The following NWD2 variants were observed in gnomAD, a reference collection of about 807,000 sequenced individuals.
The protein encoded by NWD2 is NACHT and WD repeat domain containing 2, also known as NACHT and WD repeat domain-containing protein 2.
A neutral mutation model predicts 132.7 loss-of-function variants in NWD2; 37 were observed. The ratio of observed to expected loss-of-function variants is 0.28; its 90% CI spans 0.21 to 0.37. NWD2 has a LOEUF of 0.37. Ranked by LOEUF, NWD2 falls within the 10% of genes least tolerant of loss-of-function variation. The pLI is 1.00. For missense variants in NWD2, 1,592 were observed against 2,122.4 expected (o/e 0.75, Z 4.91); for synonymous variants, 705 against 803.0 (o/e 0.88, Z 2.06).
chr4:37,416,950 G>A (rs896817249), intron 3 of NWD2, among the ~76,000 whole-genome samples: 5 of 151,990 alleles, frequency 3.3e-5, no homozygotes, highest in African/African-American at 1.2e-4. Flanking sequence ...GGGGGGAAAG[G>A]GTGGGAGGGG....
intron 3 of NWD2, among the ~76,000 whole-genome samples, chr4:37,391,013 T>TCAA (rs1339754673): frequency 1.3e-5 from 2 of 152,214 alleles, no homozygotes; most frequent in African/African-American, 2.4e-5. Context: ...ATTCTGTGTC[T>TCAA]CAACACAATC....
chr4:37,430,538 A>C, intron 3 of NWD2, 34 bp from the exon 4 acceptor site: 1 of 1,463,588 alleles, frequency 6.8e-7, no homozygotes. Flanking sequence ...TTTCTTGGTG[A>C]TACACTAAAT....
At chr4:37,308,309 G>C (rs946618656) in intron 1 of NWD2, among the ~76,000 whole-genome samples, 2 of 152,124 alleles carry the variant, frequency 1.3e-5, no homozygotes, top group Non-Finnish European at 2.9e-5. Context: ...TTTGACTTTG[G>C]TTCTGGGTGG....
chr4:37,330,778 T>G (rs1319473760), intron 2 of NWD2, among the ~76,000 whole-genome samples: 1 of 152,016 alleles, frequency 6.6e-6, no homozygotes, highest in African/African-American at 2.4e-5. Context: ...TCACCCTACT[T>G]GAGTATTTCT....
intron 1 of NWD2, among the ~76,000 whole-genome samples, chr4:37,312,843 T>C (rs1480208372): frequency 6.6e-6 from 1 of 151,100 alleles, no homozygotes; most frequent in Non-Finnish European, 1.5e-5. Context: ...GCATGAAGGG[T>C]TGTTGAATTT....
chr4:37,249,420 G>C (rs927742868), intron 1 of NWD2, among the ~76,000 whole-genome samples: 1 of 152,184 alleles, frequency 6.6e-6, no homozygotes, highest in Non-Finnish European at 1.5e-5. Flanking sequence ...AATTAGACAG[G>C]CTTTACTCCC....
intron 1 of NWD2, among the ~76,000 whole-genome samples, chr4:37,295,199 G>T (rs547156144): frequency 1.4e-4 from 22 of 152,240 alleles, no homozygotes; most frequent in African/African-American, 4.6e-4. Flanking sequence ...TTTTGTCAGA[G>T]TGTGTTGGTG....
At chr4:37,295,051 A>T (rs528566259) in intron 1 of NWD2, among the ~76,000 whole-genome samples, 39 of 152,300 alleles carry the variant, frequency 2.6e-4, no homozygotes, top group African/African-American at 8.2e-4. Context: ...TTATGTATTC[A>T]TCTGGTGCTG....
In NWD2 at chr4:37,449,451, G is replaced by A. The variant is rs1276286064; in HGVS notation, c.*2234G>A. The A allele has an allele frequency of 1.3e-5, 2 of 152,144 alleles. No homozygotes were observed. Among genetic ancestry groups the A allele is most frequent in the African/African-American group, 4.8e-5 (2 of 41,418 alleles). 9.4% of individuals were successfully genotyped at this position (152,144 alleles called of 1,614,324 possible). A position where few individuals can be genotyped will look rare whatever the true frequency, so the allele number is the denominator to read the frequency against. ...GTATGTATTATTTGTATGAATAAAA[G>A]ATAAACTACTTAGATTGGCGTGCTG... On this transcript the variant is annotated 3_prime_UTR_variant, in exon 7 of 7. Coordinates refer to ENST00000309447, the MANE Select transcript of NWD2 (RefSeq NM_001144990.2).
chr4:37,315,301 G>A (rs1627442), intron 1 of NWD2, among the ~76,000 whole-genome samples: 1 of 152,062 alleles, frequency 6.6e-6, no homozygotes. Flanking sequence ...CTGCTTGATA[G>A]TGGTGTTCAA....
intron 2 of NWD2, among the ~76,000 whole-genome samples, chr4:37,344,049 T>C (rs1438933414): frequency 3.9e-5 from 6 of 152,204 alleles, no homozygotes; most frequent in African/African-American, 7.2e-5. Flanking sequence ...GCTTAAATGA[T>C]GAAATAAGTA....
At chr4:37,274,832 A>C (rs921359063) in intron 1 of NWD2, among the ~76,000 whole-genome samples, 1 of 152,086 alleles carries the variant, frequency 6.6e-6, no homozygotes, top group Non-Finnish European at 1.5e-5. Context: ...GACAAAAACC[A>C]CATGATTATC....
At position 37,421,669 on chromosome 4, in the gene NWD2, T is replaced by C. The variant is rs115461225; in HGVS notation, c.358-8903T>C. On this transcript the variant is annotated intron_variant, in intron 3 of 6. Coordinates refer to ENST00000309447, the MANE Select transcript of NWD2 (RefSeq NM_001144990.2). ...TCAGTTTAGTTATTCTGCTATATGT[T>C]AGACGAAATTGGTAAATTACCTAAT... 2.0e-3 allele frequency among the ~76,000 whole-genome samples: 301 copies of C among 152,358 alleles called. 1 individual carries two copies. Among genetic ancestry groups the C allele is most frequent in the African/African-American group, 7.0e-3 (292 of 41,588 alleles).
chr4:37,411,740 A>G (rs1721160523), intron 3 of NWD2, among the ~76,000 whole-genome samples: 1 of 152,236 alleles, frequency 6.6e-6, no homozygotes, highest in South Asian at 2.1e-4. Flanking sequence ...CCTCAATAAA[A>G]TACTGGCAAA....
chr4:37,446,254 G>C lies in NWD2; in HGVS notation c.4266G>C (p.Arg1422Ser). The C allele has an allele frequency of 6.4e-7, 1 of 1,551,604 alleles. No homozygotes were observed. Among genetic ancestry groups the C allele is most frequent in the Non-Finnish European group, 8.7e-7 (1 of 1,146,976 alleles). The change falls in exon 7 of 7, where the codon AGG becomes AGC. Residue 1422 changes from arginine to serine, a missense_variant. Transcript: ENST00000309447. The surrounding 1 kb of genome is among the most constrained non-coding windows in gnomAD (Gnocchi z 6.7). The stretch of plus-strand genomic sequence containing the variant: ...CGCTCTGTGAGGAAAATGCCTCCAG[G>C]GTTTGGAGGCTCGCCACAGGCCACA... ...VVSLCEENAS[R>S]VWRLATGHRV...
rs1177156294 is a variant in NWD2, at chr4:37,443,815, G to T, written c.1827G>T (p.Leu609=). The change falls in exon 7 of 7, where the codon CTG becomes CTT. Residue 609 remains leucine, a synonymous_variant. Transcript: ENST00000309447. The surrounding 1 kb of genome is among the most constrained non-coding windows in gnomAD (Gnocchi z 4.1). The part of the protein sequence containing the change: ...YVNNALSKCT[L]PMFVNLTFRE... Reference sequence around the variant, plus strand: ...ACAATGCATTATCCAAGTGCACACTGCCAATGTTTGTGAACCTGACCTTCA... The same window carrying T: ...ACAATGCATTATCCAAGTGCACACTTCCAATGTTTGTGAACCTGACCTTCA... The T allele has an allele frequency of 6.4e-7, 1 of 1,552,024 alleles. No homozygotes were observed. The highest frequency in any genetic ancestry group is 1.4e-5 in the African/African-American group (1 of 73,034).
intron 2 of NWD2, among the ~76,000 whole-genome samples, chr4:37,339,996 C>T (rs773998518): frequency 9.3e-5 from 14 of 150,776 alleles, no homozygotes; most frequent in East Asian, 5.8e-4. Context: ...AATTTCTTTC[C>T]GTCCTCATAT....
At chr4:37,261,840 A>G (rs1717643046) in intron 1 of NWD2, among the ~76,000 whole-genome samples, 1 of 152,208 alleles carries the variant, frequency 6.6e-6, no homozygotes, top group South Asian at 2.1e-4. Context: ...TGGTCATAAA[A>G]GGTCTGTCTG....
At chr4:37,262,339 A>G (rs73807466) in intron 1 of NWD2, among the ~76,000 whole-genome samples, 3,641 of 152,266 alleles carry the variant, frequency 0.024, 153 homozygotes, top group African/African-American at 0.083. Flanking sequence ...GGCTGTGTCA[A>G]TTTACATTCC....
Sources: gnomAD v4.1 joint callset for allele counts (sites outside exome capture counted in the v4.1 genomes callset) on GRCh38, gnomAD v4.1.1 for gene constraint, Gnocchi (gnomAD v3.1) non-coding constraint, MANE v1.5 for transcripts, NCBI Gene and HGNC (gene_info 2026-07-23, HGNC 2026-07-21) for gene names.